Variants in CDH12 observed in about 807,000 individuals in gnomAD.
The protein encoded by CDH12 is cadherin-12.
Under a neutral mutation model 74.1 loss-of-function variants are expected in CDH12, and 41 were observed. That is an observed-to-expected ratio of 0.55 (90% CI 0.43 to 0.72). The LOEUF (loss-of-function observed/expected upper bound fraction) is 0.72. Ranked by LOEUF, CDH12 falls within the 30% of genes least tolerant of loss-of-function variation. The pLI, the probability that CDH12 is intolerant of heterozygous loss-of-function variation, is 0.00. For missense variants in CDH12, 945 were observed against 977.2 expected (o/e 0.97, Z 0.44); for synonymous variants, 399 against 355.0 (o/e 1.12, Z -1.39).
intron 1 of CDH12, among the ~76,000 whole-genome samples, chr5:22,845,119 T>C (rs1439078188): frequency 2.0e-5 from 3 of 152,172 alleles, no homozygotes; most frequent in African/African-American, 7.2e-5. Context: ...GTTGAAAAGA[T>C]AACCAATATT....
chr5:21,969,385 G>A (rs572090098), intron 6 of CDH12, among the ~76,000 whole-genome samples: 22 of 152,254 alleles, frequency 1.4e-4, no homozygotes, highest in East Asian at 9.7e-4. Flanking sequence ...TTGTATTCGC[G>A]TTGCACTTAC....
intron 6 of CDH12, 64 bp from the exon 7 acceptor site, chr5:21,854,854 A>G: frequency 6.7e-7 from 1 of 1,484,506 alleles, no homozygotes; most frequent in Non-Finnish European, 9.2e-7. Context: ...CATGACTCTT[A>G]TCTGCTGGAC....
At chr5:22,013,942 A>G (rs1023427655) in intron 5 of CDH12, among the ~76,000 whole-genome samples, 2 of 152,146 alleles carry the variant, frequency 1.3e-5, no homozygotes, top group African/African-American at 4.8e-5. Flanking sequence ...ATGAACAAAT[A>G]GAGGCTGGGT....
chr5:22,794,064 C>T (rs1272460601), intron 1 of CDH12, among the ~76,000 whole-genome samples: 1 of 152,170 alleles, frequency 6.6e-6, no homozygotes, highest in Non-Finnish European at 1.5e-5. Flanking sequence ...CCCTAGTTGC[C>T]TTCTACCTCT....
intron 4 of CDH12, among the ~76,000 whole-genome samples, chr5:22,118,564 T>C: frequency 6.6e-6 from 1 of 151,918 alleles, no homozygotes; most frequent in Non-Finnish European, 1.5e-5. Context: ...TTTAGTCTCT[T>C]TATGTCATGT....
At chr5:22,583,754 A>G (rs190507646) in intron 1 of CDH12, among the ~76,000 whole-genome samples, 408 of 152,298 alleles carry the variant, frequency 2.7e-3, no homozygotes, top group African/African-American at 8.7e-3. Context: ...ACACTCATCC[A>G]TAGTTTCCTA....
At chr5:22,655,925 C>G (rs1740010584) in intron 1 of CDH12, among the ~76,000 whole-genome samples, 1 of 152,048 alleles carries the variant, frequency 6.6e-6, no homozygotes, top group Non-Finnish European at 1.5e-5. Context: ...ATATATCAAT[C>G]ATGGAGACAC....
At chr5:22,297,337 T>A (rs1034671920) in intron 3 of CDH12, among the ~76,000 whole-genome samples, 1 of 152,168 alleles carries the variant, frequency 6.6e-6, no homozygotes, top group Admixed American at 6.5e-5. Flanking sequence ...TATATTTCTA[T>A]TTTAGAAATG....
intron 6 of CDH12, among the ~76,000 whole-genome samples, chr5:21,944,477 C>G (rs1755479330): frequency 1.3e-5 from 2 of 152,020 alleles, no homozygotes; most frequent in Admixed American, 6.6e-5. Flanking sequence ...TAAAGAATGA[C>G]CTCAATTAAA....
intron 3 of CDH12, among the ~76,000 whole-genome samples, chr5:22,307,631 C>T (rs1022079149): frequency 1.3e-5 from 2 of 151,968 alleles, no homozygotes; most frequent in East Asian, 1.9e-4. Flanking sequence ...TAATTTTATA[C>T]CAAGAAATAT....
At chr5:22,812,044 G>T (rs1234924724) in intron 1 of CDH12, among the ~76,000 whole-genome samples, 1 of 152,128 alleles carries the variant, frequency 6.6e-6, no homozygotes, top group Non-Finnish European at 1.5e-5. Flanking sequence ...TATTGGGCTG[G>T]ATTTTAAAGG....
intron 6 of CDH12, among the ~76,000 whole-genome samples, chr5:21,886,474 G>A (rs999764378): frequency 1.4e-5 from 2 of 145,692 alleles, no homozygotes; most frequent in Non-Finnish European, 3.0e-5. Flanking sequence ...TCATATATAT[G>A]AGGAAAAATA....
intron 1 of CDH12, among the ~76,000 whole-genome samples, chr5:22,807,446 A>T (rs1308347664): frequency 1.3e-5 from 2 of 152,200 alleles, no homozygotes; most frequent in African/African-American, 4.8e-5. Context: ...TTCTTTCATA[A>T]ACTACATGTT....
chr5:22,005,590 AC>A (rs1736901422), intron 5 of CDH12, among the ~76,000 whole-genome samples: 1 of 147,766 alleles, frequency 6.8e-6, no homozygotes, highest in African/African-American at 2.5e-5. Flanking sequence ...AAAAAAAAAA[AC>A]CCACTGGCCA....
intron 4 of CDH12, among the ~76,000 whole-genome samples, chr5:22,176,229 C>T (rs1301837071): frequency 6.6e-6 from 1 of 152,010 alleles, no homozygotes; most frequent in Non-Finnish European, 1.5e-5. Flanking sequence ...GCAAGATTTT[C>T]ACTTTTCATA....
intron 14 of CDH12, among the ~76,000 whole-genome samples, chr5:21,753,725 T>C (rs1486514118): frequency 6.6e-6 from 1 of 152,160 alleles, no homozygotes; most frequent in Non-Finnish European, 1.5e-5. Flanking sequence ...TCACCATGCC[T>C]AGAATAGTGC....
chr5:22,031,702 C>T (rs748664266), intron 5 of CDH12, among the ~76,000 whole-genome samples: 6 of 152,218 alleles, frequency 3.9e-5, no homozygotes, highest in East Asian at 1.9e-4. Context: ...TTCAAGAATA[C>T]GGAACCAGAG....
chr5:22,312,912 C>T (rs1329331163), intron 3 of CDH12, among the ~76,000 whole-genome samples: 1 of 152,178 alleles, frequency 6.6e-6, no homozygotes, highest in Non-Finnish European at 1.5e-5. Context: ...ATGGCTTCTA[C>T]TTTCCCCTTC....
intron 5 of CDH12, among the ~76,000 whole-genome samples, chr5:22,011,288 G>T (rs1159892512): frequency 6.6e-6 from 1 of 152,044 alleles, no homozygotes; most frequent in African/African-American, 2.4e-5. Context: ...TTACAGAAGT[G>T]CTTTTACAAA....
Sources: gnomAD v4.1 joint callset for allele counts (sites outside exome capture counted in the v4.1 genomes callset) on GRCh38, gnomAD v4.1.1 for gene constraint, MANE v1.5 for transcripts, NCBI Gene and HGNC (gene_info 2026-07-23, HGNC 2026-07-21) for gene names.